Variants in STAC observed in about 807,000 individuals in gnomAD.
The protein encoded by STAC is SH3 and cysteine-rich domain-containing protein.
A neutral mutation model predicts 48.8 loss-of-function variants in STAC; 43 were observed. The observed-to-expected ratio is 0.88, with a 90% CI of 0.69 to 1.14. STAC has a LOEUF of 1.14. Among genes scored for constraint, STAC ranks in the 50% most tolerant of loss-of-function variants. The probability of loss-of-function intolerance (pLI) is 0.00; values close to 1 mark genes in which losing one functional copy is unlikely to be tolerated. For missense variants in STAC, 497 were observed against 504.0 expected (o/e 0.99, Z 0.13); for synonymous variants, 193 against 179.5 (o/e 1.07, Z -0.60).
intron 8 of STAC, among the ~76,000 whole-genome samples, chr3:36,518,824 T>G (rs772657956): frequency 7.2e-5 from 11 of 152,336 alleles, no homozygotes; most frequent in Admixed American, 2.6e-4. Flanking sequence ...ACTTCATCTA[T>G]TCACCTCTCA....
At chr3:36,384,617 C>T (rs1699578171) in intron 1 of STAC, among the ~76,000 whole-genome samples, 1 of 152,076 alleles carries the variant, frequency 6.6e-6, no homozygotes, top group Non-Finnish European at 1.5e-5. Flanking sequence ...CTGAGTTTAC[C>T]TCTTTGGGCT....
chr3:36,539,662 C>T (rs1233154810), intron 10 of STAC, among the ~76,000 whole-genome samples: 1 of 152,018 alleles, frequency 6.6e-6, no homozygotes, highest in Non-Finnish European at 1.5e-5. Flanking sequence ...CTTTGCTATA[C>T]AGCATGTTTT....
chr3:36,384,455 C>T (rs760204676), intron 1 of STAC, among the ~76,000 whole-genome samples: 9 of 152,110 alleles, frequency 5.9e-5, no homozygotes, highest in Non-Finnish European at 8.8e-5. Flanking sequence ...ATATGTAATA[C>T]ACCTAATATG....
chr3:36,390,442 T>TTTTA, intron 1 of STAC, among the ~76,000 whole-genome samples: 1 of 142,234 alleles, frequency 7.0e-6, no homozygotes, highest in South Asian at 2.2e-4. Flanking sequence ...ATCATGTGAT[T>TTTTA]TTTCTTTTCT....
intron 1 of STAC, among the ~76,000 whole-genome samples, chr3:36,400,386 A>G (rs1262934674): frequency 1.3e-5 from 2 of 152,242 alleles, no homozygotes; most frequent in Non-Finnish European, 2.9e-5. Context: ...TATAATGTAA[A>G]GGAACATTTG....
At chr3:36,392,830 C>T (rs1015990893) in intron 1 of STAC, among the ~76,000 whole-genome samples, 5 of 152,222 alleles carry the variant, frequency 3.3e-5, no homozygotes, top group African/African-American at 1.2e-4. Flanking sequence ...TATCAGCAGT[C>T]ACCTCCCAAT....
chr3:36,410,516 G>T (rs1315352679), intron 1 of STAC, among the ~76,000 whole-genome samples: 2 of 152,170 alleles, frequency 1.3e-5, no homozygotes, highest in Non-Finnish European at 2.9e-5. Context: ...ACCATTTTGG[G>T]CAAACAGCTC....
At chr3:36,444,879 T>C (rs1251773914) in intron 2 of STAC, among the ~76,000 whole-genome samples, 1 of 152,110 alleles carries the variant, frequency 6.6e-6, no homozygotes, top group South Asian at 2.1e-4. Context: ...ACTGTCAGCT[T>C]GGGGTTGCTG....
chr3:36,450,881 T>C (rs1440109599), intron 2 of STAC, among the ~76,000 whole-genome samples: 1 of 152,064 alleles, frequency 6.6e-6, no homozygotes, highest in African/African-American at 2.4e-5. Flanking sequence ...AATAATAAGA[T>C]TTCCACCTTA....
chr3:36,492,439 T>A (rs1457177072), intron 5 of STAC, among the ~76,000 whole-genome samples: 1 of 152,142 alleles, frequency 6.6e-6, no homozygotes, highest in Non-Finnish European at 1.5e-5. Flanking sequence ...CTACTGATTC[T>A]CTCCGGGCTT....
intron 1 of STAC, among the ~76,000 whole-genome samples, chr3:36,420,554 C>T (rs188820126): frequency 2.6e-5 from 4 of 152,272 alleles, no homozygotes; most frequent in East Asian, 1.9e-4. Context: ...GAGCACAAAC[C>T]GTATTGTGAA....
chr3:36,451,660 ATG>A (rs1336616101), intron 2 of STAC, among the ~76,000 whole-genome samples: 2 of 151,926 alleles, frequency 1.3e-5, no homozygotes, highest in Non-Finnish European at 2.9e-5. Context: ...TATGAGTTAC[ATG>A]TGTTATTTTG....
intron 2 of STAC, among the ~76,000 whole-genome samples, chr3:36,447,278 G>T (rs1273653709): frequency 6.6e-6 from 1 of 152,066 alleles, no homozygotes; most frequent in Non-Finnish European, 1.5e-5. Context: ...AAAAAAAGGG[G>T]GGCATCTGTG....
intron 1 of STAC, among the ~76,000 whole-genome samples, chr3:36,427,032 C>T (rs572315843): frequency 1.6e-4 from 24 of 152,324 alleles, no homozygotes; most frequent in Admixed American, 5.2e-4. Context: ...CCACAAACAC[C>T]CCAGCTAAGG....
At chr3:36,447,651 A>C (rs7627758) in intron 2 of STAC, among the ~76,000 whole-genome samples, 6,929 of 69,222 alleles carry the variant, frequency 0.1, 188 homozygotes, top group Non-Finnish European at 0.12. Flanking sequence ...TATACACACC[A>C]CACACACACA....
rs1699484059 is a variant in STAC, at chr3:36,380,567, C to A, written c.-77C>A. The A allele has an allele frequency of 1.6e-6, 2 of 1,213,756 alleles. No individual in the cohort carries two copies. 75.2% of individuals were successfully genotyped at this position (1,213,756 alleles called of 1,614,324 possible). On this transcript the variant is annotated 5_prime_UTR_variant, in exon 1 of 11. Transcript: ENST00000273183. ...CAGGACCCGGAGCTGAGCAGCCTGGCGCGCGGCGGGCAGGGCGCGCAGGAC... is the reference window on the plus strand; with the variant it reads ...CAGGACCCGGAGCTGAGCAGCCTGGAGCGCGGCGGGCAGGGCGCGCAGGAC...
intron 1 of STAC, among the ~76,000 whole-genome samples, chr3:36,394,088 C>T (rs759348594): frequency 1.3e-5 from 2 of 152,008 alleles, no homozygotes; most frequent in Non-Finnish European, 2.9e-5. Flanking sequence ...GGAAAAATAA[C>T]AGGAGGTGAG....
intron 2 of STAC, among the ~76,000 whole-genome samples, chr3:36,470,119 C>A (rs769307912): frequency 9.2e-5 from 14 of 152,090 alleles, no homozygotes; most frequent in Non-Finnish European, 2.1e-4. Flanking sequence ...CTGGTATGAT[C>A]TTTTGGAGGT....
intron 1 of STAC, among the ~76,000 whole-genome samples, chr3:36,387,614 C>T (rs1361877355): frequency 6.6e-6 from 1 of 152,070 alleles, no homozygotes; most frequent in Non-Finnish European, 1.5e-5. Flanking sequence ...TGAATTATTT[C>T]AGTTAGCATA....
Sources: allele counts gnomAD v4.1 joint callset (sites outside exome capture counted in the v4.1 genomes callset), GRCh38; gene constraint gnomAD v4.1.1; transcripts MANE v1.5; gene names NCBI Gene and HGNC (gene_info 2026-07-23, HGNC 2026-07-21).